The following PRMT7 variants were observed in gnomAD, a reference collection of about 807,000 sequenced individuals.
The protein encoded by PRMT7 is protein arginine N-methyltransferase 7.
A neutral mutation model predicts 85.4 loss-of-function variants in PRMT7; 75 were observed. The ratio of observed to expected loss-of-function variants is 0.88; its 90% CI spans 0.73 to 1.06. The LOEUF is 1.06. Ranked by LOEUF, PRMT7 falls within the 50% of genes least tolerant of loss-of-function variation. The probability of loss-of-function intolerance (pLI) is 0.00; values close to 1 mark genes in which losing one functional copy is unlikely to be tolerated. For missense variants in PRMT7, 868 were observed against 915.2 expected (o/e 0.95, Z 0.67); for synonymous variants, 397 against 359.5 (o/e 1.10, Z -1.18).
chr16:68,346,319 GAGAA>G, intron 11 of PRMT7, 39 bp downstream of exon 11: 2 of 1,609,018 alleles, frequency 1.2e-6, no homozygotes, highest in Non-Finnish European at 1.7e-6. Context: ...GGGGAAAAGG[GAGAA>G]AGAAGTTTGT....
Position 68,347,292 on chromosome 16 carries a change from C to T in PRMT7, c.1273C>T (p.Gln425Ter). Residue 425 changes from glutamine to a stop codon, truncating the protein, a stop_gained and splice_region_variant, in exon 12 of 19, where the codon CAG (glutamine) becomes TAG (stop). Coordinates refer to ENST00000441236, the MANE Select transcript of PRMT7 (RefSeq NM_019023.5). LOFTEE classifies it high-confidence loss of function. Reference sequence around the variant, plus strand: ...GCTGGCCCATCACCTGGGGGTGGAGCAGGTACTGACATGCACCCTTGTCAG... The same window carrying T: ...GCTGGCCCATCACCTGGGGGTGGAGTAGGTACTGACATGCACCCTTGTCAG... Reference protein sequence around the residue: ...SVLAHHLGVEQVFTVESSAAS... With the variant: ...SVLAHHLGVE 1 of 1,540,000 alleles carries T rather than the reference C, an allele frequency of 6.5e-7. No homozygotes were observed. Among genetic ancestry groups the T allele is most frequent in the Non-Finnish European group, 8.8e-7 (1 of 1,138,978 alleles).
intron 7 of PRMT7, among the ~76,000 whole-genome samples, chr16:68,338,869 C>T (rs12925938): frequency 0.044 from 6,733 of 152,206 alleles, 185 homozygotes; most frequent in Middle Eastern, 0.15. Flanking sequence ...GAGCCGGAGC[C>T]GGAGCCACAG....
intron 9 of PRMT7, among the ~76,000 whole-genome samples, chr16:68,344,375 C>G (rs1341701699): frequency 1.3e-5 from 2 of 152,220 alleles, no homozygotes; most frequent in South Asian, 4.1e-4. Context: ...ATGGTCCTCC[C>G]TTTCACTCAA....
intron 4 of PRMT7, chr16:68,322,497 C>T (rs2082615870): frequency 2.4e-6 from 1 of 408,574 alleles, no homozygotes; most frequent in African/African-American, 2.1e-5. Flanking sequence ...TGCGCCCGGC[C>T]ATCGTGTGCT....
rs1224469230 is a variant in PRMT7, at chr16:68,345,746, C to T, written c.999C>T (p.Leu333=). ...QEEPVVQGSA[L]YLVAHHDDYC... ...AGCCTGTGGTGCAGGGCTCAGCGCT[C>T]TATCTGGTAGCCCACCACGATGACT... Residue 333 remains leucine (L), a synonymous_variant, in exon 10 of 19, where the codon CTC becomes CTT. Coordinates refer to ENST00000441236, the MANE Select transcript of PRMT7 (RefSeq NM_019023.5). 10 of 1,614,022 alleles carry T rather than the reference C, an allele frequency of 6.2e-6. No homozygotes were observed. The highest frequency in any genetic ancestry group is 1.3e-5 in the African/African-American group (1 of 74,924).
intron 16 of PRMT7, among the ~76,000 whole-genome samples, 178 bp downstream of exon 16, chr16:68,353,744 G>C (rs2151915043): frequency 6.6e-6 from 1 of 152,288 alleles, no homozygotes; most frequent in Non-Finnish European, 1.5e-5. Context: ...TTGGCTCCGT[G>C]CTGTCACCCT....
chr16:68,329,786 G>A (rs1210164250), intron 6 of PRMT7, among the ~76,000 whole-genome samples: 1 of 152,052 alleles, frequency 6.6e-6, no homozygotes, highest in Non-Finnish European at 1.5e-5. Flanking sequence ...GGAGAATGGC[G>A]AGAGTAGTTC....
At chr16:68,339,269 T>C in intron 7 of PRMT7, 53 bp from the exon 8 acceptor site, 1 of 1,605,476 alleles carries the variant, frequency 6.2e-7, no homozygotes, top group Non-Finnish European at 8.5e-7. Flanking sequence ...TGGGAATTAC[T>C]GTGGGTCTAA....
At position 68,315,951 on chromosome 16, in the gene PRMT7, G is replaced by T. The variant is rs2044690315; in HGVS notation, c.-29G>T. The T allele has an allele frequency of 6.2e-7, 1 of 1,602,924 alleles. No homozygotes were observed. Among genetic ancestry groups the T allele is most frequent in the Non-Finnish European group, 8.5e-7 (1 of 1,170,788 alleles). On this transcript the variant is annotated 5_prime_UTR_variant, in exon 3 of 19. Coordinates refer to ENST00000441236, the MANE Select transcript of PRMT7 (RefSeq NM_019023.5). ...ACTCAACTGGCAAGGCTGCTTTTCT[G>T]TGCTAAAACTGGGGAGCTAGTGGGC...
chr16:68,338,699 ACCCC>A (rs947908076), intron 7 of PRMT7, among the ~76,000 whole-genome samples: 4 of 152,092 alleles, frequency 2.6e-5, no homozygotes, highest in Admixed American at 2.0e-4. Flanking sequence ...GCCCAGAGCA[ACCCC>A]TACAGCAGAG....
At chr16:68,318,375 A>G (rs911700327) in intron 3 of PRMT7, among the ~76,000 whole-genome samples, 2 of 151,500 alleles carry the variant, frequency 1.3e-5, no homozygotes, top group African/African-American at 4.9e-5. Flanking sequence ...AATTTTTTGT[A>G]TTTTTAATAG....
At chr16:68,322,384 G>A (rs1194895136) in intron 4 of PRMT7, 1 of 451,338 alleles carries the variant, frequency 2.2e-6, no homozygotes, top group Non-Finnish European at 4.4e-6. Flanking sequence ...GTTTTGTAGA[G>A]GCAGAGTTTC....
intron 3 of PRMT7, among the ~76,000 whole-genome samples, chr16:68,316,395 C>A (rs2081857706): frequency 6.6e-6 from 1 of 152,042 alleles, no homozygotes; most frequent in South Asian, 2.1e-4. Flanking sequence ...GTGACATGTT[C>A]ATCATATGGT....
intron 2 of PRMT7, 72 bp from the exon 3 acceptor site, chr16:68,315,825 C>T (rs958325003): frequency 2.7e-5 from 18 of 655,334 alleles, no homozygotes; most frequent in Non-Finnish European, 4.4e-5. Flanking sequence ...CATTTTGGGG[C>T]ATTGTGCTGT....
At chr16:68,358,662 G>A (rs958945899), downstream of PRMT7, 2 of 152,628 alleles carry the variant, frequency 1.3e-5, no homozygotes, top group Non-Finnish European at 1.5e-5. Context: ...AGGTGGTTTT[G>A]GACAAATGAA....
At position 68,345,678 on chromosome 16, in the gene PRMT7, C is replaced by G. The variant is rs772735898; in HGVS notation, c.931C>G (p.Arg311Gly). Reference sequence around the variant, plus strand: ...CTGACTCTGTTCTCCGTTTCAGTGGCGGGACCACTGGATGCAGTGTGTGTA... The same window carrying G: ...CTGACTCTGTTCTCCGTTTCAGTGGGGGGACCACTGGATGCAGTGTGTGTA... ...AHSDPEEMQWRDHWMQCVYFL... is the reference protein window; with the variant it reads ...AHSDPEEMQWGDHWMQCVYFL... Residue 311 changes from arginine to glycine, a missense_variant, in exon 10 of 19, where the codon CGG (arginine) becomes GGG (glycine). Physicochemically the swap from Arg to Gly is moderately radical, Grantham distance 125. Coordinates refer to ENST00000441236, the MANE Select transcript of PRMT7 (RefSeq NM_019023.5). The G allele has an allele frequency of 4.3e-6, 7 of 1,611,920 alleles. No individual in the cohort carries two copies. Among genetic ancestry groups the G allele is most frequent in the Non-Finnish European group, 5.9e-6 (7 of 1,179,672 alleles).
intron 6 of PRMT7, chr16:68,329,589 G>A (rs1278883267): frequency 6.3e-6 from 1 of 158,282 alleles, no homozygotes; most frequent in African/African-American, 2.4e-5. Flanking sequence ...ATTTTTTTGA[G>A]AGAGAGTCTC....
At chr16:68,331,447 T>C (rs2083884022) in intron 6 of PRMT7, among the ~76,000 whole-genome samples, 2 of 151,394 alleles carry the variant, frequency 1.3e-5, no homozygotes, top group Non-Finnish European at 2.9e-5. Flanking sequence ...AGTAAACTTT[T>C]CATTTCTCTT....
rs762394516 is a variant in PRMT7 at position 68,339,328 on chromosome 16, T to C, written c.511T>C (p.Cys171Arg). Residue 171 changes from cysteine to arginine, a missense_variant, in exon 8 of 19, where the codon TGT becomes CGT. Cys to Arg is a radical substitution (Grantham distance 180, BLOSUM62 -3). Transcript: ENST00000441236. ...HAHRHLVEEN[C>R]EAVPHRATVY... ...GTTTTTAATATAAACTTAGGAAAATTGTGAGGCCGTGCCCCACAGAGCCAC... is the reference window on the plus strand; with the variant it reads ...GTTTTTAATATAAACTTAGGAAAATCGTGAGGCCGTGCCCCACAGAGCCAC... 6.2e-7 allele frequency: 1 copy of C among 1,613,762 alleles called. No homozygotes were observed. Among genetic ancestry groups the C allele is most frequent in the South Asian group, 1.1e-5 (1 of 91,084 alleles).
Sources: allele counts gnomAD v4.1 joint callset (sites outside exome capture counted in the v4.1 genomes callset), GRCh38; gene constraint gnomAD v4.1.1; transcripts MANE v1.5; gene names NCBI Gene and HGNC (gene_info 2026-07-23, HGNC 2026-07-21).